The following ADH5 variants were observed in gnomAD, a reference collection of about 807,000 sequenced individuals.
ADH5 encodes alcohol dehydrogenase 5 (class III), chi polypeptide.
A neutral mutation model predicts 40.3 loss-of-function variants in ADH5; 32 were observed. The observed-to-expected ratio is 0.79, with a 90% CI of 0.60 to 1.07. The LOEUF (loss-of-function observed/expected upper bound fraction) is 1.07. ADH5 is among the 50% of genes least tolerant of loss of function. The pLI is 0.00. For synonymous variants in ADH5, 125 were observed against 154.3 expected (o/e 0.81, Z 1.41); for missense variants, 353 against 460.5 (o/e 0.77, Z 2.14).
At chr4:99,081,214 C>CTT in intron 4 of ADH5, 151 bp downstream of exon 4, 1 of 555,226 alleles carries the variant, frequency 1.8e-6, no homozygotes, top group Admixed American at 3.5e-5. Context: ...TAGCTTGACT[C>CTT]TTTGTTCGGG....
rs751434106 is a variant in ADH5, at chr4:99,076,467, G to A, written c.650C>T (p.Ser217Phe). The change falls in exon 6 of 9, where the codon TCC (serine) becomes TTC (phenylalanine). Residue 217 changes from serine (S) to phenylalanine (F), a missense_variant. By Grantham distance (155) the Ser-to-Phe change is radical (BLOSUM62 -2). Transcript: ENST00000296412. ...VIMGCKVAGASRIIGVDINKD... is the reference protein window; with the variant it reads ...VIMGCKVAGAFRIIGVDINKD... ...ATTGATGTCCACACCAATGATCCGG[G>A]AAGCACCAGCCACTTTACAGCCCAT... 6.2e-7 allele frequency: 1 copy of A among 1,614,022 alleles called. No homozygotes were observed. Among genetic ancestry groups the A allele is most frequent in the Non-Finnish European group, 8.5e-7 (1 of 1,179,936 alleles).
At chr4:99,079,978 A>T (rs1244109936) in intron 4 of ADH5, 2 of 454,824 alleles carry the variant, frequency 4.4e-6, no homozygotes, top group East Asian at 1.4e-4. Flanking sequence ...ACACCCCTTT[A>T]GTTTCTCTTT....
Position 99,085,139 on chromosome 4 carries a change from TG to T in ADH5, c.89del (p.Pro30GlnfsTer23). ...CCTTGATTCGAACTTCATGAGCCTT[TG>T]GGGGTGCCACCTCTATCTCCTCTAT... ...LSIEEIEVAP[P>X]KAHEVRIKII... On this transcript the variant is annotated frameshift_variant, in exon 2 of 9. Transcript: ENST00000296412. LOFTEE classifies it high-confidence loss of function. 6.5e-7 allele frequency: 1 copy of T among 1,535,008 alleles called. No homozygotes were observed. The highest frequency in any genetic ancestry group is 2.1e-5 in the Admixed American group (1 of 47,290).
At chr4:99,072,831 C>T (rs1727858586) in intron 7 of ADH5, 120 bp from the exon 8 acceptor site, 1 of 861,914 alleles carries the variant, frequency 1.2e-6, no homozygotes, top group African/African-American at 1.7e-5. Context: ...TAATGAGAAA[C>T]TCCAAAATAG....
Position 99,081,990 on chromosome 4 carries a change from T to A in ADH5, c.241A>T (p.Thr81Ser). 1 of 1,613,822 alleles carries A rather than the reference T, an allele frequency of 6.2e-7. No homozygotes were observed. The highest frequency in any genetic ancestry group is 8.5e-7 in the Non-Finnish European group (1 of 1,179,750). The change falls in exon 3 of 9, where the codon ACT (threonine) becomes TCT (serine). Residue 81 changes from threonine (T) to serine (S), a missense_variant. By Grantham distance (58) the Thr-to-Ser change is moderately conservative (BLOSUM62 1). Transcript: ENST00000296412. ...TTCTCCTTACCCGCCTTCAGCTTAG[T>A]AACTCCCTCACCAACACTTTCCACA... Reference protein sequence around the residue: ...GIVESVGEGVTKLKAGDTVIP... With the variant: ...GIVESVGEGVSKLKAGDTVIP...
chr4:99,086,651 T>C (rs1401279698), intron 1 of ADH5, among the ~76,000 whole-genome samples: 5 of 151,850 alleles, frequency 3.3e-5, no homozygotes, highest in Admixed American at 2.0e-4. Flanking sequence ...TAAGAAAGAA[T>C]ATGAAGTCCC....
In ADH5 at chr4:99,072,556, A is replaced by G; in HGVS notation, c.1100+17T>C. 6.2e-7 allele frequency: 1 copy of G among 1,609,514 alleles called. No homozygotes were observed. The highest frequency in any genetic ancestry group is 8.5e-7 in the Non-Finnish European group (1 of 1,178,334). On this transcript the variant is annotated intron_variant, in intron 8 of 8. Transcript: ENST00000296412. ...ACATCATTATTACATTCTATGATATATAAAGAGAAAGCCTACCTCTTTCCA... is the reference window on the plus strand; with the variant it reads ...ACATCATTATTACATTCTATGATATGTAAAGAGAAAGCCTACCTCTTTCCA...
intron 4 of ADH5, among the ~76,000 whole-genome samples, chr4:99,081,048 C>T (rs192020893): frequency 5.1e-4 from 78 of 152,294 alleles, no homozygotes; most frequent in African/African-American, 1.7e-3. Flanking sequence ...TGCAAGGTCA[C>T]TAGACAGATC....
At chr4:99,074,757 T>C (rs563157349) in intron 7 of ADH5, among the ~76,000 whole-genome samples, 157 bp downstream of exon 7, 5 of 152,284 alleles carry the variant, frequency 3.3e-5, no homozygotes, top group African/African-American at 1.2e-4. Context: ...TGAGTCTGAA[T>C]CCCTTCTAAT....
intron 7 of ADH5, 131 bp from the exon 8 acceptor site, chr4:99,072,842 C>G: frequency 1.3e-6 from 1 of 784,814 alleles, no homozygotes; most frequent in Non-Finnish European, 2.1e-6. Flanking sequence ...TCCAAAATAG[C>G]ATGGAGATGA....
intron 3 of ADH5, chr4:99,081,707 T>C (rs187846786): frequency 3.1e-5 from 17 of 548,224 alleles, no homozygotes; most frequent in Middle Eastern, 4.2e-4. Context: ...TCCTGCTTCA[T>C]TGATGCATCT....
intron 2 of ADH5, among the ~76,000 whole-genome samples, chr4:99,082,585 G>A (rs1490880894): frequency 1.3e-5 from 2 of 152,176 alleles, no homozygotes; most frequent in Non-Finnish European, 2.9e-5. Context: ...CCAAATTTCA[G>A]AACTTTCAGA....
At chr4:99,076,952 T>C in intron 4 of ADH5, 29 bp from the exon 5 acceptor site, 1 of 1,533,828 alleles carries the variant, frequency 6.5e-7, no homozygotes, top group Non-Finnish European at 8.9e-7. Context: ...AAAAGGCAAG[T>C]TGGAATTAGG....
intron 2 of ADH5, 58 bp from the exon 3 acceptor site, chr4:99,082,174 C>A: frequency 6.5e-7 from 1 of 1,542,408 alleles, no homozygotes; most frequent in Non-Finnish European, 8.8e-7. Context: ...TTCAGAGGTA[C>A]AGATACAAGA....
At chr4:99,075,213 AT>A (rs1413286619) in intron 6 of ADH5, 164 bp from the exon 7 acceptor site, 54 of 467,548 alleles carry the variant, frequency 1.2e-4, no homozygotes, top group Non-Finnish European at 4.9e-5. Context: ...TTATATTTTA[AT>A]TTTTTTTGTT....
At chr4:99,081,917 A>C (rs1187023512) in intron 3 of ADH5, 58 bp downstream of exon 3, 7 of 1,583,576 alleles carry the variant, frequency 4.4e-6, no homozygotes, top group Non-Finnish European at 6.0e-6. Context: ...CAGAAAAACA[A>C]TTTCCCCATA....
In ADH5 at chr4:99,076,601, G is replaced by C. The variant is rs761676244; in HGVS notation, c.565-49C>G. ...AGTACTCATTCTACCAGAGTCAAGA[G>C]AATCACTGGGTTTCATACAGATTGG... On this transcript the variant is annotated intron_variant, in intron 5 of 8. Coordinates refer to ENST00000296412, the MANE Select transcript of ADH5 (RefSeq NM_000671.4). The C allele has an allele frequency of 3.1e-6, 5 of 1,595,520 alleles. No individual in the cohort carries two copies. In the African/African-American group the frequency reaches 5.4e-5, roughly 17 times the overall value.
In ADH5 at chr4:99,085,227, G is replaced by GA; in HGVS notation, c.13-12dup. The GA allele has an allele frequency of 2.1e-6, 3 of 1,423,778 alleles. No homozygotes were observed. The highest frequency in any genetic ancestry group is 1.9e-6 in the Non-Finnish European group (2 of 1,069,202). The allele number at this position is 1,423,778 out of a possible 1,614,324, so 88.2% of individuals were successfully genotyped here. On this transcript the variant is annotated splice_polypyrimidine_tract_variant and intron_variant, in intron 1 of 8. Transcript: ENST00000296412. ...CTTGCACTTGATAACCTGAAGTGGG[G>GA]AAAAAAGGGAATAAGCTGTTTATCC...
chr4:99,083,245 T>C (rs1728062768), intron 2 of ADH5, among the ~76,000 whole-genome samples: 1 of 152,020 alleles, frequency 6.6e-6, no homozygotes, highest in Admixed American at 6.6e-5. Context: ...TTTCTGAATT[T>C]GAAGAAAAAA....
Sources: allele counts gnomAD v4.1 joint callset (sites outside exome capture counted in the v4.1 genomes callset), GRCh38; gene constraint gnomAD v4.1.1; transcripts MANE v1.5; gene names NCBI Gene and HGNC (gene_info 2026-07-23, HGNC 2026-07-21).